The following ZMIZ1 variants were observed in gnomAD, a reference collection of about 807,000 sequenced individuals.
ZMIZ1 encodes the protein zinc finger MIZ-type containing 1, also known as zinc finger MIZ domain-containing protein 1.
Under a neutral mutation model 113.9 loss-of-function variants are expected in ZMIZ1, and 17 were observed. The ratio of observed to expected loss-of-function variants is 0.15; its 90% CI spans 0.10 to 0.22. The LOEUF is 0.22. Ranked by LOEUF, ZMIZ1 falls within the 10% of genes least tolerant of loss-of-function variation. The probability of loss-of-function intolerance (pLI) is 1.00; values close to 1 mark genes in which losing one functional copy is unlikely to be tolerated. For missense variants in ZMIZ1, 1,059 were observed against 1,477.8 expected, an observed-to-expected ratio of 0.72 and a Z score of 4.65; for synonymous variants, 607 against 603.1, an observed-to-expected ratio of 1.01 and a Z score of -0.09.
chr10:79,167,222 A>G (rs1362699946), intron 4 of ZMIZ1, among the ~76,000 whole-genome samples: 1 of 152,236 alleles, frequency 6.6e-6, no homozygotes, highest in Admixed American at 6.5e-5. Flanking sequence ...CAGACTGCCC[A>G]CCAGGCTGTT....
intron 24 of ZMIZ1, among the ~76,000 whole-genome samples, chr10:79,311,905 C>G (rs971854914): frequency 1.3e-5 from 2 of 152,148 alleles, no homozygotes; most frequent in African/African-American, 4.8e-5. Context: ...GGCTTGTCCT[C>G]GGCCCCTCCT....
intron 1 of ZMIZ1, among the ~76,000 whole-genome samples, chr10:79,107,270 T>TAGCGGGTTAGACCTCAGGAGTCAAAC (rs1308521290): frequency 1.3e-5 from 2 of 152,266 alleles, no homozygotes; most frequent in Non-Finnish European, 1.5e-5. Context: ...TTTTGTAGCC[T>TAGCGGGTTAGACCTCAGGAGTCAAAC]AGCGGGTTAG....
chr10:79,258,540 A>G (rs1478275109), intron 7 of ZMIZ1, among the ~76,000 whole-genome samples: 1 of 152,234 alleles, frequency 6.6e-6, no homozygotes, highest in Admixed American at 6.5e-5. Context: ...TACTGCAGAA[A>G]TTCTGTTGGC....
chr10:79,308,797 C>G (rs373228836), intron 23 of ZMIZ1, among the ~76,000 whole-genome samples: 4 of 152,220 alleles, frequency 2.6e-5, no homozygotes, highest in East Asian at 3.9e-4. Flanking sequence ...TCACACCCCC[C>G]GACACACACA....
In ZMIZ1 at chr10:79,296,602, G is replaced by A. The variant is rs149552627; in HGVS notation, c.1362G>A (p.Pro454=). Residue 454 remains proline (P), a synonymous_variant, in exon 13 of 25, where the codon CCG becomes CCA. Transcript: ENST00000334512. This position sits in a 1 kb window ranked among gnomAD's most constrained non-coding sequence, Gnocchi z 4.1. ...NYPGQRMPSQ[P]SSGQYPPPTV... ...CAGGACAGAGGATGCCCAGCCAGCC[G>A]AGCTCCGGGCAGTACCCGCCCCCCA... The A allele has an allele frequency of 1.9e-5, 31 of 1,604,968 alleles. No homozygotes were observed. The highest frequency in any genetic ancestry group is 1.7e-4 in the Middle Eastern group (1 of 5,956).
intron 9 of ZMIZ1, among the ~76,000 whole-genome samples, chr10:79,290,365 C>A (rs113868407): frequency 9.2e-5 from 14 of 152,348 alleles, no homozygotes; most frequent in African/African-American, 3.4e-4. Context: ...CCTCCTCTGC[C>A]CAGTCAGGGA....
chr10:79,085,742 C>G (rs1429742589), intron 1 of ZMIZ1, among the ~76,000 whole-genome samples: 2 of 152,210 alleles, frequency 1.3e-5, no homozygotes, highest in African/African-American at 4.8e-5. Context: ...AAGCCCAAAC[C>G]TTTTCAGAAT....
Position 79,304,035 on chromosome 10 carries a change from G to A in ZMIZ1, c.2146G>A (p.Val716Met), listed in dbSNP as rs747078150. ...CGCAGTCAAGCGGAATTTCAGCAGC[G>A]TGGCTGCCTCCTCGGGCAACACGAC... is the stretch of plus-strand genomic sequence containing the variant. ...ITKIKRNFSS[V>M]AASSGNTTLN... The change falls in exon 19 of 25, where the codon GTG becomes ATG. Residue 716 changes from valine to methionine, a missense_variant. Val to Met is a conservative substitution (Grantham distance 21). Coordinates refer to ENST00000334512, the MANE Select transcript of ZMIZ1 (RefSeq NM_020338.4). 8 of 1,614,052 alleles carry A rather than the reference G, an allele frequency of 5.0e-6. No homozygotes were observed. Among genetic ancestry groups the A allele is most frequent in the East Asian group, 4.5e-5 (2 of 44,900 alleles).
intron 7 of ZMIZ1, among the ~76,000 whole-genome samples, chr10:79,264,709 C>T (rs1047451218): frequency 1.1e-4 from 17 of 152,086 alleles, no homozygotes; most frequent in African/African-American, 4.1e-4. Flanking sequence ...GTCTGAGGAA[C>T]GAGGAAATGT....
intron 2 of ZMIZ1, among the ~76,000 whole-genome samples, chr10:79,137,412 G>A (rs1845051738): frequency 6.6e-6 from 1 of 152,232 alleles, no homozygotes; most frequent in South Asian, 2.1e-4. Flanking sequence ...ACAGAGCCCT[G>A]TGCCCAGAGG....
intron 1 of ZMIZ1, among the ~76,000 whole-genome samples, chr10:79,110,658 A>G (rs1222932770): frequency 2.6e-5 from 4 of 152,166 alleles, no homozygotes; most frequent in Admixed American, 1.3e-4. Context: ...CAGTGGTTAC[A>G]TTTACCCCTG....
At position 79,197,447 on chromosome 10, in the gene ZMIZ1, G is replaced by C. The variant is rs148646900; in HGVS notation, c.-49-4137G>C. Among the ~76,000 whole-genome samples, 36 of 152,302 alleles carry C rather than the reference G, an allele frequency of 2.4e-4. No homozygotes were observed. In the East Asian group the frequency reaches 5.4e-3, roughly 23 times the overall value. ...GTCCTTGTCTTCCACACCATGGTTT[G>C]TCCCTGACCCCAGGAGCCTTTGTCA... is the stretch of plus-strand genomic sequence containing the variant. On this transcript the variant is annotated intron_variant, in intron 4 of 24. Coordinates refer to ENST00000334512, the MANE Select transcript of ZMIZ1 (RefSeq NM_020338.4).
intron 4 of ZMIZ1, among the ~76,000 whole-genome samples, chr10:79,196,810 T>G (rs1384507984): frequency 6.6e-6 from 1 of 152,214 alleles, no homozygotes; most frequent in East Asian, 1.9e-4. Context: ...AAGTTCCTCT[T>G]GAGAGGTAGA....
At chr10:79,253,236 C>G (rs1850658170) in intron 7 of ZMIZ1, among the ~76,000 whole-genome samples, 1 of 152,222 alleles carries the variant, frequency 6.6e-6, no homozygotes, top group Non-Finnish European at 1.5e-5. Context: ...ATCAGATAAA[C>G]ATGCAGTTGA....
intron 4 of ZMIZ1, among the ~76,000 whole-genome samples, chr10:79,178,955 C>T (rs1174737443): frequency 6.6e-6 from 1 of 152,228 alleles, no homozygotes; most frequent in Non-Finnish European, 1.5e-5. Context: ...CGCTGCTCTG[C>T]TCTGGCCCAG....
chr10:79,120,646 C>T (rs1479098888), intron 2 of ZMIZ1, among the ~76,000 whole-genome samples: 1 of 152,196 alleles, frequency 6.6e-6, no homozygotes, highest in Non-Finnish European at 1.5e-5. Flanking sequence ...TATACGGTGG[C>T]CGCAAGGATG....
chr10:79,112,016 G>A (rs1466990487), intron 1 of ZMIZ1, among the ~76,000 whole-genome samples: 2 of 152,264 alleles, frequency 1.3e-5, no homozygotes, highest in African/African-American at 4.8e-5. Flanking sequence ...AGGCCCTGGG[G>A]CATGAACATC....
chr10:79,153,894 A>G (rs1002301968), intron 3 of ZMIZ1, among the ~76,000 whole-genome samples: 1 of 152,204 alleles, frequency 6.6e-6, no homozygotes, highest in African/African-American at 2.4e-5. Flanking sequence ...GGCCTGGCCC[A>G]CGTGTGGCCA....
intron 7 of ZMIZ1, among the ~76,000 whole-genome samples, chr10:79,242,658 G>A (rs370274383): frequency 6.6e-6 from 1 of 151,894 alleles, no homozygotes; most frequent in East Asian, 1.9e-4. Context: ...GGATTCGCTG[G>A]GGGGCGGGAG....
Sources: gnomAD v4.1 joint callset for allele counts (sites outside exome capture counted in the v4.1 genomes callset) on GRCh38, gnomAD v4.1.1 for gene constraint, Gnocchi (gnomAD v3.1) non-coding constraint, MANE v1.5 for transcripts, NCBI Gene and HGNC (gene_info 2026-07-23, HGNC 2026-07-21) for gene names.